KDM4C: variants seen among roughly 807,000 people sequenced by gnomAD.
KDM4C encodes the protein lysine demethylase 4C, also known as lysine-specific demethylase 4C.
A neutral mutation model predicts 129.3 loss-of-function variants in KDM4C; 81 were observed. The ratio of observed to expected loss-of-function variants is 0.63; its 90% CI spans 0.52 to 0.75. KDM4C has a LOEUF of 0.75. KDM4C is among the 30% of genes least tolerant of loss of function. KDM4C has a pLI of 0.00. For missense variants in KDM4C, 1,457 were observed against 1,304.0 expected (o/e 1.12, Z -1.81); for synonymous variants, 573 against 456.1 (o/e 1.26, Z -3.26).
chr9:6,880,509 C>T (rs1844273940), intron 6 of KDM4C, among the ~76,000 whole-genome samples: 1 of 151,842 alleles, frequency 6.6e-6, no homozygotes, highest in South Asian at 2.1e-4. Context: ...GGTTATGTCA[C>T]TGCCGACGCC....
intron 17 of KDM4C, among the ~76,000 whole-genome samples, chr9:7,057,709 A>G (rs1041587978): frequency 1.3e-5 from 2 of 152,204 alleles, no homozygotes; most frequent in Non-Finnish European, 2.9e-5. Flanking sequence ...AAGCAACAGG[A>G]ATTTTCTTTG....
intron 4 of KDM4C, among the ~76,000 whole-genome samples, chr9:6,832,927 G>C (rs1448009604): frequency 2.0e-5 from 3 of 150,540 alleles, no homozygotes; most frequent in African/African-American, 7.4e-5. Context: ...GTAGAGATGG[G>C]GTTTCACCAT....
At chr9:6,914,865 C>G (rs1223440042) in intron 8 of KDM4C, among the ~76,000 whole-genome samples, 1 of 152,236 alleles carries the variant, frequency 6.6e-6, no homozygotes, top group African/African-American at 2.4e-5. Context: ...CTTGGACTTA[C>G]TTGCCAGCCT....
intron 8 of KDM4C, among the ~76,000 whole-genome samples, chr9:6,902,515 A>T (rs1471061330): frequency 6.6e-6 from 1 of 152,142 alleles, no homozygotes; most frequent in African/African-American, 2.4e-5. Flanking sequence ...TGTGAGGCTT[A>T]GTTTTCCTAC....
chr9:6,876,364 A>G (rs574537447), intron 5 of KDM4C, among the ~76,000 whole-genome samples: 1 of 152,130 alleles, frequency 6.6e-6, no homozygotes, highest in Non-Finnish European at 1.5e-5. Flanking sequence ...GACAGTGTAT[A>G]ATGAGCTCCT....
At chr9:6,901,901 C>A (rs1050079402) in intron 8 of KDM4C, among the ~76,000 whole-genome samples, 1 of 152,198 alleles carries the variant, frequency 6.6e-6, no homozygotes, top group African/African-American at 2.4e-5. Context: ...TCTATGTTCT[C>A]AGCTCTGTGG....
Position 7,142,378 on chromosome 9 carries a change from T to C in KDM4C, c.2781+14142T>C, listed in dbSNP as rs138752292. 7.9e-5 allele frequency among the ~76,000 whole-genome samples: 12 copies of C among 152,316 alleles called. No individual in the cohort carries two copies. In the East Asian group the frequency reaches 2.3e-3, roughly 29 times the overall value. On this transcript the variant is annotated intron_variant, in intron 19 of 21. Coordinates refer to ENST00000381309, the MANE Select transcript of KDM4C (RefSeq NM_015061.6). ...ATCCTTCCACTTTGGCCTCCCAAAATGCTGGGATTACAGGTGTGAGCCACC... is the reference window on the plus strand; with the variant it reads ...ATCCTTCCACTTTGGCCTCCCAAAACGCTGGGATTACAGGTGTGAGCCACC...
chr9:6,995,705 A>C (rs903696677), intron 12 of KDM4C, among the ~76,000 whole-genome samples: 1 of 151,736 alleles, frequency 6.6e-6, no homozygotes, highest in Non-Finnish European at 1.5e-5. Context: ...GGCGTCTCGC[A>C]CTGTCGCCCA....
At chr9:6,773,883 A>G (rs762002273) in intron 1 of KDM4C, among the ~76,000 whole-genome samples, 2 of 151,932 alleles carry the variant, frequency 1.3e-5, no homozygotes, top group Non-Finnish European at 2.9e-5. Flanking sequence ...CTTGGATACA[A>G]ATGCATAACC....
At chr9:6,865,691 C>T (rs1001665323) in intron 5 of KDM4C, among the ~76,000 whole-genome samples, 3 of 152,012 alleles carry the variant, frequency 2.0e-5, no homozygotes, top group African/African-American at 2.4e-5. Context: ...CTCAGCCCTC[C>T]GTAGCTGGGA....
At chr9:7,105,011 AT>A (rs1267510222) in intron 18 of KDM4C, among the ~76,000 whole-genome samples, 3 of 151,854 alleles carry the variant, frequency 2.0e-5, no homozygotes, top group East Asian at 3.9e-4. Context: ...TATTTGTCTT[AT>A]TTTTTCATTG....
intron 4 of KDM4C, among the ~76,000 whole-genome samples, chr9:6,815,963 C>A (rs556282005): frequency 2.6e-5 from 4 of 152,116 alleles, no homozygotes; most frequent in African/African-American, 9.7e-5. Context: ...ATTATATAAG[C>A]ATGTATCTTT....
chr9:6,881,312 T>A (rs1844412078), intron 6 of KDM4C, among the ~76,000 whole-genome samples: 2 of 152,220 alleles, frequency 1.3e-5, no homozygotes, highest in African/African-American at 4.8e-5. Context: ...AGTGTCTTTT[T>A]AAAAATGTAA....
At chr9:6,905,153 C>T (rs372426549) in intron 8 of KDM4C, among the ~76,000 whole-genome samples, 12 of 152,248 alleles carry the variant, frequency 7.9e-5, no homozygotes, top group African/African-American at 2.6e-4. Flanking sequence ...AAATTAAATG[C>T]AAGCTTTTCT....
chr9:6,864,147 G>A (rs910849877), intron 5 of KDM4C, among the ~76,000 whole-genome samples: 2 of 151,970 alleles, frequency 1.3e-5, no homozygotes, highest in Admixed American at 6.6e-5. Flanking sequence ...TCCCTGCTTC[G>A]TATTGAAGAA....
At position 6,876,710 on chromosome 9, in the gene KDM4C, T is replaced by C. The variant is rs556264906; in HGVS notation, c.630-3302T>C. On this transcript the variant is annotated intron_variant, in intron 5 of 21. Coordinates refer to ENST00000381309, the MANE Select transcript of KDM4C (RefSeq NM_015061.6). ...GTTGCAGAGAAGTCAGTGAGTCTAG[T>C]GTTCAAATGCAATGTGACTGAGTGC... 3.9e-5 allele frequency among the ~76,000 whole-genome samples: 6 copies of C among 152,250 alleles called. No homozygotes were observed. In the South Asian group the frequency reaches 8.3e-4, roughly 21 times the overall value.
chr9:7,133,440 G>A (rs1030150881), intron 19 of KDM4C, among the ~76,000 whole-genome samples: 1 of 152,144 alleles, frequency 6.6e-6, no homozygotes, highest in Non-Finnish European at 1.5e-5. Flanking sequence ...ATTTATGCTT[G>A]TGTTTTCTGA....
At chr9:7,106,440 G>C (rs1352105179) in intron 18 of KDM4C, among the ~76,000 whole-genome samples, 1 of 152,210 alleles carries the variant, frequency 6.6e-6, no homozygotes, top group African/African-American at 2.4e-5. Context: ...TAACTTGGCA[G>C]CCTGGCCCAG....
At chr9:6,787,040 TTAATC>T (rs1397157519) in intron 1 of KDM4C, among the ~76,000 whole-genome samples, 7 of 152,240 alleles carry the variant, frequency 4.6e-5, no homozygotes, top group African/African-American at 7.2e-5. Flanking sequence ...ATCTAGGTCT[TTAATC>T]TATGTATCTG....
Sources: gnomAD v4.1 joint callset for allele counts (sites outside exome capture counted in the v4.1 genomes callset) on GRCh38, gnomAD v4.1.1 for gene constraint, MANE v1.5 for transcripts, NCBI Gene and HGNC (gene_info 2026-07-23, HGNC 2026-07-21) for gene names.